Variants in STKLD1 observed in about 807,000 individuals in gnomAD.
The protein encoded by STKLD1 is serine/threonine kinase-like domain-containing protein STKLD1.
STKLD1 carries 79 observed loss-of-function variants against 80.4 expected under a neutral mutation model. The observed-to-expected ratio is 0.98, with a 90% CI of 0.82 to 1.19. The LOEUF (loss-of-function observed/expected upper bound fraction) is 1.19. STKLD1 is among the 50% of genes most tolerant of loss of function. The pLI is 0.00. For missense variants in STKLD1, 841 were observed against 856.0 expected (o/e 0.98, Z 0.22); for synonymous variants, 393 against 357.6 (o/e 1.10, Z -1.12).
chr9:133,397,464 G>A (rs944165432), intron 10 of STKLD1, among the ~76,000 whole-genome samples, 170 bp downstream of exon 10: 1 of 152,120 alleles, frequency 6.6e-6, no homozygotes, highest in Non-Finnish European at 1.5e-5. Context: ...ACACTGCCCA[G>A]GACACCGCTC....
Position 133,389,937 on chromosome 9 carries a change from G to A in STKLD1, c.467+341G>A, listed in dbSNP as rs941880874. Among the ~76,000 whole-genome samples the A allele has an allele frequency of 6.6e-6, 1 of 152,206 alleles. No homozygotes were observed. Among genetic ancestry groups the A allele is most frequent in the Non-Finnish European group, 1.5e-5 (1 of 68,032 alleles). On this transcript the variant is annotated intron_variant, in intron 6 of 17. Transcript: ENST00000371957. The surrounding 1 kb of genome is among the most constrained non-coding windows in gnomAD (Gnocchi z 6.4). Reference sequence around the variant, plus strand: ...GTGTGGGCTGAGTGGGCCCTGCTGAGCCTTTGACCCCCAGCGGCACAACTT... The same window carrying A: ...GTGTGGGCTGAGTGGGCCCTGCTGAACCTTTGACCCCCAGCGGCACAACTT...
chr9:133,400,629 G>A, intron 12 of STKLD1, 100 bp downstream of exon 12: 1 of 974,180 alleles, frequency 1.0e-6, no homozygotes, highest in Non-Finnish European at 1.6e-6. Flanking sequence ...GGGTGGGTTA[G>A]GGGAAGCCAT....
chr9:133,396,476 G>A lies in STKLD1; in HGVS notation c.867-688G>A, dbSNP rs587638196. Among the ~76,000 whole-genome samples, 37 of 151,866 alleles carry A rather than the reference G, an allele frequency of 2.4e-4. No homozygotes were observed. In the Middle Eastern group the frequency reaches 0.014, roughly 57 times the overall value. The stretch of plus-strand genomic sequence containing the variant: ...AAACATATAACAAAGAATCCAGGCC[G>A]GACACGGTGGTTCACACCTGTAATC... On this transcript the variant is annotated intron_variant, in intron 9 of 17. Transcript: ENST00000371957.
intron 4 of STKLD1, among the ~76,000 whole-genome samples, chr9:133,386,159 T>G (rs1030803240): frequency 1.3e-5 from 2 of 152,126 alleles, no homozygotes; most frequent in African/African-American, 2.4e-5. Context: ...CCTTAAGTGA[T>G]CCGCCCGCCT....
chr9:133,400,738 C>T (rs1838680624), intron 12 of STKLD1, among the ~76,000 whole-genome samples: 1 of 151,818 alleles, frequency 6.6e-6, no homozygotes, highest in Non-Finnish European at 1.5e-5. Context: ...AGCTCTGCCC[C>T]CACCACCTGG....
intron 2 of STKLD1, among the ~76,000 whole-genome samples, chr9:133,381,487 G>A (rs2130266491): frequency 3.4e-5 from 4 of 117,526 alleles, no homozygotes; most frequent in Admixed American, 3.0e-4. Context: ...TCTCACTCTT[G>A]TTGCCCAGGC....
At position 133,390,736 on chromosome 9, in the gene STKLD1, G is replaced by A. The variant is rs2130287191; in HGVS notation, c.523G>A (p.Asp175Asn). 1 of 1,613,916 alleles carries A rather than the reference G, an allele frequency of 6.2e-7. No individual in the cohort carries two copies. Among genetic ancestry groups the A allele is most frequent in the Non-Finnish European group, 8.5e-7 (1 of 1,179,980 alleles). The change falls in exon 7 of 18, where the codon GAC becomes AAC. Residue 175 changes from aspartate to asparagine, a missense_variant. By Grantham distance (23) the Asp-to-Asn change is conservative. Coordinates refer to ENST00000371957, the MANE Select transcript of STKLD1 (RefSeq NM_153710.5). This position sits in a 1 kb window ranked among gnomAD's most constrained non-coding sequence, Gnocchi z 5.1. Reference protein sequence around the residue: ...LISSDHCKLQDLSSNVLMTDK... With the variant: ...LISSDHCKLQNLSSNVLMTDK... ...CAGCAGTGACCACTGCAAACTGCAGGACCTGAGTTCCAATGTGCTAATGAC... is the reference window on the plus strand; with the variant it reads ...CAGCAGTGACCACTGCAAACTGCAGAACCTGAGTTCCAATGTGCTAATGAC...
Position 133,398,124 on chromosome 9 carries a change from G to A in STKLD1, c.1081+69G>A, listed in dbSNP as rs978915905. On this transcript the variant is annotated intron_variant, in intron 11 of 17. Coordinates refer to ENST00000371957, the MANE Select transcript of STKLD1 (RefSeq NM_153710.5). Reference sequence around the variant, plus strand: ...GCAGAAGCTATGGTCCGGCCTGTGGGGAGCTGAGGCTGGCCCTCACCCCGG... The same window carrying A: ...GCAGAAGCTATGGTCCGGCCTGTGGAGAGCTGAGGCTGGCCCTCACCCCGG... 119 of 1,484,666 alleles carry A rather than the reference G, an allele frequency of 8.0e-5. No homozygotes were observed. In the African/African-American group the frequency reaches 8.1e-4, roughly 10 times the overall value. The allele number at this position is 1,484,666 out of a possible 1,614,324, so 92.0% of individuals were successfully genotyped here. A position where few individuals can be genotyped will look rare whatever the true frequency, so the allele number is the denominator to read the frequency against.
Position 133,394,507 on chromosome 9 carries a change from C to A in STKLD1, c.702+98C>A. ...CTCACCCTGCCTCCCCTCTGCATCC[C>A]TTCCCCTGGCTCTCTGCAGGCTGCA... On this transcript the variant is annotated intron_variant, in intron 8 of 17. Coordinates refer to ENST00000371957, the MANE Select transcript of STKLD1 (RefSeq NM_153710.5). This position sits in a 1 kb window ranked among gnomAD's most constrained non-coding sequence, Gnocchi z 4.9. 1 of 863,252 alleles carries A rather than the reference C, an allele frequency of 1.2e-6. No homozygotes were observed. The highest frequency in any genetic ancestry group is 1.4e-5 in the South Asian group (1 of 71,758). The allele number at this position is 863,252 out of a possible 1,614,324, so 53.5% of individuals were successfully genotyped here.
rs1838515035 is a variant in STKLD1, at chr9:133,394,779, C to T, written c.702+370C>T. The T allele has an allele frequency of 8.5e-6, 2 of 235,698 alleles. No homozygotes were observed. The highest frequency in any genetic ancestry group is 8.4e-6 in the Non-Finnish European group (1 of 119,158). The allele number at this position is 235,698 out of a possible 1,614,324, so 14.6% of individuals were successfully genotyped here. A position where few individuals can be genotyped will look rare whatever the true frequency, so the allele number is the denominator to read the frequency against. On this transcript the variant is annotated intron_variant, in intron 8 of 17. Coordinates refer to ENST00000371957, the MANE Select transcript of STKLD1 (RefSeq NM_153710.5). This position sits in a 1 kb window ranked among gnomAD's most constrained non-coding sequence, Gnocchi z 4.9. ...CGGGAACCCAGTGTGGGCCTGAACA[C>T]ACCTGGCTGTCTCATGCACAAGCCC...
chr9:133,401,305 A>G (rs1838700738), intron 12 of STKLD1, among the ~76,000 whole-genome samples: 1 of 151,838 alleles, frequency 6.6e-6, no homozygotes, highest in South Asian at 2.1e-4. Context: ...CGCCTGGCTA[A>G]TTTTTGTATT....
chr9:133,376,751 C>T (rs2130251138), intron 1 of STKLD1, among the ~76,000 whole-genome samples, 191 bp downstream of exon 1: 1 of 152,328 alleles, frequency 6.6e-6, no homozygotes, highest in South Asian at 2.1e-4. Context: ...CACTCAGTTT[C>T]CCCCTTTGTG....
At chr9:133,395,814 T>A in intron 9 of STKLD1, 51 bp downstream of exon 9, 1 of 1,579,394 alleles carries the variant, frequency 6.3e-7, no homozygotes, top group Non-Finnish European at 8.7e-7. Context: ...TCTTTCAACA[T>A]CTCTCCACCC....
Position 133,401,864 on chromosome 9 carries a change from TCAC to T in STKLD1, c.1329_1331del (p.Thr445del), listed in dbSNP as rs1554777737. The stretch of plus-strand genomic sequence containing the variant: ...GTCATGGTCTACAGCCTGCTAGCCA[TCAC>T]CACAACCCAGGGTGTGTCTGCCAGC... On this transcript the variant is annotated inframe_deletion, in exon 13 of 18. Coordinates refer to ENST00000371957, the MANE Select transcript of STKLD1 (RefSeq NM_153710.5). 1.9e-6 allele frequency: 3 copies of T among 1,613,400 alleles called. No homozygotes were observed. The highest frequency in any genetic ancestry group is 2.2e-5 in the East Asian group (1 of 44,866).
rs1361581966 is a variant in STKLD1, at chr9:133,402,872, C to A, written c.1340-6C>A. 2 of 1,595,822 alleles carry A rather than the reference C, an allele frequency of 1.3e-6. No homozygotes were observed. The highest frequency in any genetic ancestry group is 2.3e-5 in the East Asian group (1 of 43,980). ...CCCTGGGGCCCTCATTCTGGCTCAC[C>A]CACAGAGTCAGAGTCACTGTCAGAG... On this transcript the variant is annotated splice_region_variant and splice_polypyrimidine_tract_variant and intron_variant, in intron 13 of 17. Coordinates refer to ENST00000371957, the MANE Select transcript of STKLD1 (RefSeq NM_153710.5).
rs1838175200 is a variant in STKLD1 at position 133,382,922 on chromosome 9, GATA to G, written c.175-930_175-928del. ...TGTTGGTGATGGTGGTGATGATGGG[GATA>G]ATAGTGGTGGTGGTGACAGTGGTGT... On this transcript the variant is annotated intron_variant, in intron 2 of 17. Coordinates refer to ENST00000371957, the MANE Select transcript of STKLD1 (RefSeq NM_153710.5). 2.0e-5 allele frequency among the ~76,000 whole-genome samples: 3 copies of G among 150,542 alleles called. No individual in the cohort carries two copies. The South Asian group carries it at 6.4e-4, about 32-fold the overall frequency.
chr9:133,404,197 A>G, intron 16 of STKLD1, 149 bp downstream of exon 16: 1 of 1,021,820 alleles, frequency 9.8e-7, no homozygotes, highest in Non-Finnish European at 1.4e-6. Flanking sequence ...AAGTCCAGTC[A>G]TCCAGAAATC....
Position 133,376,502 on chromosome 9 carries a change from G to A in STKLD1, c.29G>A (p.Arg10His). 1.9e-6 allele frequency: 3 copies of A among 1,597,708 alleles called. No individual in the cohort carries two copies. The highest frequency in any genetic ancestry group is 1.7e-5 in the Admixed American group (1 of 57,698). ...CTTGGGCCAGGGTCCAATCGCAGGC[G>A]CCCCACGCAGGGGGAGCGAGGCCCA... MLGPGSNRR[R>H]PTQGERGPGS... The change falls in exon 1 of 18, where the codon CGC (arginine) becomes CAC (histidine). Residue 10 changes from arginine (R) to histidine (H), a missense_variant. Physicochemically the swap from Arg to His is conservative, Grantham distance 29 (BLOSUM62 0). Coordinates refer to ENST00000371957, the MANE Select transcript of STKLD1 (RefSeq NM_153710.5).
In STKLD1 at chr9:133,390,869, G is replaced by A; in HGVS notation, c.583+73G>A. 2 of 1,146,786 alleles carry A rather than the reference G, an allele frequency of 1.7e-6. No individual in the cohort carries two copies. The highest frequency in any genetic ancestry group is 2.5e-5 in the South Asian group (2 of 80,286). The allele number at this position is 1,146,786 out of a possible 1,614,324, so 71.0% of individuals were successfully genotyped here. A position where few individuals can be genotyped will look rare whatever the true frequency, so the allele number is the denominator to read the frequency against. On this transcript the variant is annotated intron_variant, in intron 7 of 17. Transcript: ENST00000371957. This position sits in a 1 kb window ranked among gnomAD's most constrained non-coding sequence, Gnocchi z 5.1. ...ATCCAGGCGGCGTTGGCCACTCTGGGTGCTGGAGTGAGGCAACATCAAACA... is the reference window on the plus strand; with the variant it reads ...ATCCAGGCGGCGTTGGCCACTCTGGATGCTGGAGTGAGGCAACATCAAACA...
Sources: allele counts gnomAD v4.1 joint callset (sites outside exome capture counted in the v4.1 genomes callset), GRCh38; gene constraint gnomAD v4.1.1; non-coding constraint Gnocchi (gnomAD v3.1); transcripts MANE v1.5; gene names NCBI Gene and HGNC (gene_info 2026-07-23, HGNC 2026-07-21).